The following HS6ST3 variants were observed in gnomAD, a reference collection of about 807,000 sequenced individuals.
The protein encoded by HS6ST3 is heparan-sulfate 6-O-sulfotransferase 3.
A neutral mutation model predicts 36.7 loss-of-function variants in HS6ST3; 12 were observed. The ratio of observed to expected loss-of-function variants is 0.33; its 90% confidence interval spans 0.21 to 0.53. The LOEUF (loss-of-function observed/expected upper bound fraction) is 0.53. HS6ST3 is among the 20% of genes least tolerant of loss of function. HS6ST3 has a pLI of 0.95. For synonymous variants in HS6ST3, 240 were observed against 257.5 expected (o/e 0.93, Z 0.65); for missense variants, 584 against 640.9 (o/e 0.91, Z 0.96).
intron 1 of HS6ST3, among the ~76,000 whole-genome samples, chr13:96,612,283 T>G (rs1383329886): frequency 6.6e-6 from 1 of 151,998 alleles, no homozygotes; most frequent in Non-Finnish European, 1.5e-5. Flanking sequence ...CATTTTTCAT[T>G]TGGCTTCCCA....
At chr13:96,700,210 C>T (rs1404973086) in intron 1 of HS6ST3, among the ~76,000 whole-genome samples, 1 of 152,152 alleles carries the variant, frequency 6.6e-6, no homozygotes, top group Admixed American at 6.5e-5. Flanking sequence ...GGAGGCCCCA[C>T]AATCATGGCG....
intron 1 of HS6ST3, among the ~76,000 whole-genome samples, chr13:96,215,242 G>A (rs1383766191): frequency 6.6e-6 from 1 of 152,210 alleles, no homozygotes; most frequent in East Asian, 1.9e-4. Context: ...AGGAAGCAGG[G>A]ACTCCCTCCT....
intron 1 of HS6ST3, among the ~76,000 whole-genome samples, chr13:96,436,145 G>A (rs931303367): frequency 2.0e-5 from 3 of 152,054 alleles, no homozygotes; most frequent in African/African-American, 7.2e-5. Flanking sequence ...TCTGCCCTAT[G>A]TTTTACTTGG....
At position 96,568,444 on chromosome 13, in the gene HS6ST3, T is replaced by A. The variant is rs142979642; in HGVS notation, c.708-264046T>A. Reference sequence around the variant, plus strand: ...ACCACGGCTGGCTAATTTTTGTATTTTTAGTAGAGACAGGGTTTCACCATG... The same window carrying A: ...ACCACGGCTGGCTAATTTTTGTATTATTAGTAGAGACAGGGTTTCACCATG... On this transcript the variant is annotated intron_variant, in intron 1 of 1. Transcript: ENST00000376705. Among the ~76,000 whole-genome samples, 103 of 152,224 alleles carry A rather than the reference T, an allele frequency of 6.8e-4. 1 individual carries two copies. Among genetic ancestry groups the A allele is most frequent in the African/African-American group, 2.4e-3 (100 of 41,530 alleles).
At chr13:96,100,042 A>G (rs1477933883) in intron 1 of HS6ST3, among the ~76,000 whole-genome samples, 1 of 152,206 alleles carries the variant, frequency 6.6e-6, no homozygotes, top group Non-Finnish European at 1.5e-5. Flanking sequence ...GTGATCATAT[A>G]AAGTGTAAAT....
intron 1 of HS6ST3, among the ~76,000 whole-genome samples, chr13:96,780,868 G>A (rs1175893448): frequency 6.6e-6 from 1 of 151,972 alleles, no homozygotes; most frequent in Admixed American, 6.6e-5. Context: ...TGGGAAGTGT[G>A]AGGAAGGATA....
chr13:96,369,464 G>A (rs1046614465), intron 1 of HS6ST3, among the ~76,000 whole-genome samples: 1 of 152,120 alleles, frequency 6.6e-6, no homozygotes, highest in Non-Finnish European at 1.5e-5. Flanking sequence ...GTATAATTGG[G>A]GATCCCACAA....
chr13:96,735,161 G>A (rs776268888), intron 1 of HS6ST3, among the ~76,000 whole-genome samples: 1 of 151,522 alleles, frequency 6.6e-6, no homozygotes, highest in African/African-American at 2.4e-5. Context: ...ATAGTCTAAT[G>A]TGCTATTTAC....
At chr13:96,373,232 C>T (rs192324671) in intron 1 of HS6ST3, among the ~76,000 whole-genome samples, 42 of 152,244 alleles carry the variant, frequency 2.8e-4, no homozygotes, top group South Asian at 8.3e-4. Context: ...TCTGTAAAGA[C>T]CCTTTTTCCA....
chr13:96,716,941 G>A (rs1286540559), intron 1 of HS6ST3, among the ~76,000 whole-genome samples: 3 of 152,218 alleles, frequency 2.0e-5, no homozygotes, highest in Non-Finnish European at 4.4e-5. Context: ...AGTAACACCA[G>A]GCTGTAATGG....
chr13:96,799,547 C>T (rs375782246), intron 1 of HS6ST3, among the ~76,000 whole-genome samples: 95 of 150,214 alleles, frequency 6.3e-4, no homozygotes, highest in African/African-American at 1.9e-3. Flanking sequence ...AACCAAACAC[C>T]GCATATTCTC....
intron 1 of HS6ST3, among the ~76,000 whole-genome samples, chr13:96,668,480 G>T (rs1290581827): frequency 1.3e-5 from 2 of 152,032 alleles, no homozygotes; most frequent in Non-Finnish European, 2.9e-5. Context: ...TGGCTCACCT[G>T]CCCATACCCT....
chr13:96,698,987 C>G (rs1227614323), intron 1 of HS6ST3, among the ~76,000 whole-genome samples: 1 of 152,070 alleles, frequency 6.6e-6, no homozygotes, highest in Non-Finnish European at 1.5e-5. Context: ...CTGACAAAAA[C>G]AAGAAATGGG....
intron 1 of HS6ST3, among the ~76,000 whole-genome samples, chr13:96,792,948 T>C (rs1470854831): frequency 1.3e-5 from 2 of 152,070 alleles, no homozygotes; most frequent in Non-Finnish European, 2.9e-5. Flanking sequence ...CAGCAACTTT[T>C]GCCTTCCCTC....
intron 1 of HS6ST3, among the ~76,000 whole-genome samples, chr13:96,285,883 C>T (rs897825963): frequency 6.6e-6 from 1 of 151,330 alleles, no homozygotes; most frequent in South Asian, 2.1e-4. Context: ...CTCTTTTCCT[C>T]TCTCTCTCCC....
intron 1 of HS6ST3, among the ~76,000 whole-genome samples, chr13:96,501,624 T>A (rs1434826574): frequency 6.6e-6 from 1 of 152,220 alleles, no homozygotes; most frequent in African/African-American, 2.4e-5. Context: ...TTGAACAAAG[T>A]TCTGCCACAG....
intron 1 of HS6ST3, among the ~76,000 whole-genome samples, chr13:96,726,674 C>T (rs1876013345): frequency 6.6e-6 from 1 of 152,112 alleles, no homozygotes; most frequent in South Asian, 2.1e-4. Context: ...TTCTTCTTTC[C>T]TGTATGGCAA....
rs891684706 is a variant in HS6ST3 at position 96,723,516 on chromosome 13, C to T, written c.708-108974C>T. Among the ~76,000 whole-genome samples, 9 of 152,162 alleles carry T rather than the reference C, an allele frequency of 5.9e-5. No individual in the cohort carries two copies. The South Asian group carries it at 8.3e-4, about 14-fold the overall frequency. On this transcript the variant is annotated intron_variant, in intron 1 of 1. Coordinates refer to ENST00000376705, the MANE Select transcript of HS6ST3 (RefSeq NM_153456.4). ...TAAGCCGCTGTTATTTAGAGGTGTC[C>T]GGTGCCTACAGCTGAACCTAATTGT...
At chr13:96,423,410 G>A (rs1287294089) in intron 1 of HS6ST3, among the ~76,000 whole-genome samples, 1 of 151,802 alleles carries the variant, frequency 6.6e-6, no homozygotes, top group South Asian at 2.1e-4. Flanking sequence ...AGTGGATGCT[G>A]TCAGGTAGTA....
Sources: allele counts gnomAD v4.1 joint callset (sites outside exome capture counted in the v4.1 genomes callset), GRCh38; gene constraint gnomAD v4.1.1; transcripts MANE v1.5; gene names NCBI Gene and HGNC (gene_info 2026-07-23, HGNC 2026-07-21).